Variants in RNF24 observed in about 807,000 individuals in gnomAD.
The protein encoded by RNF24 is ring finger protein 24.
In RNF24, 14 loss-of-function variants were observed where a neutral mutation model predicts 20.0. The observed-to-expected ratio is 0.70, with a 90% CI of 0.46 to 1.10. RNF24 has a LOEUF of 1.10. RNF24 is among the 50% of genes least tolerant of loss of function. The probability of loss-of-function intolerance (pLI) is 0.00; values close to 1 mark genes in which losing one functional copy is unlikely to be tolerated. For synonymous variants in RNF24, 45 were observed against 61.1 expected, an observed-to-expected ratio of 0.74 and a Z score of 1.23; for missense variants, 124 against 177.6, an observed-to-expected ratio of 0.70 and a Z score of 1.71.
chr20:3,976,352 C>T (rs2147015349), intron 1 of RNF24, among the ~76,000 whole-genome samples: 1 of 152,204 alleles, frequency 6.6e-6, no homozygotes, highest in East Asian at 1.9e-4. Flanking sequence ...ATCAGAATTG[C>T]TAAAATAAAA....
rs572036316 is a variant in RNF24 at position 3,928,430 on chromosome 20, C to T, written c.*5633G>A. The T allele has an allele frequency of 4.6e-5, 7 of 152,320 alleles. No homozygotes were observed. The highest frequency in any genetic ancestry group is 3.3e-4 in the Admixed American group (5 of 15,296). The allele number at this position is 152,320 out of a possible 1,614,324, so 9.4% of individuals were successfully genotyped here. On this transcript the variant is annotated 3_prime_UTR_variant, in exon 6 of 6. Transcript: ENST00000358395. The stretch of plus-strand genomic sequence containing the variant: ...GGCTGCCTGGAGGAAGCAGCTCTAA[C>T]TTTCATCAGCGGGGACAAAAATGAA...
At chr20:3,966,507 T>TGTGTGTGTGTGTGTGTGTGTGTGTGTGTG (rs60638000) in intron 1 of RNF24, among the ~76,000 whole-genome samples, 35 of 145,320 alleles carry the variant, frequency 2.4e-4, no homozygotes, top group Middle Eastern at 3.4e-3. Context: ...TGTGTGTGTG[T>TGTGTGTGTGTGTGTGTGTGTGTGTGTGTG]TTGGGGAAAG....
At position 3,945,327 on chromosome 20, in the gene RNF24, A is replaced by T. The variant is rs1292219173; in HGVS notation, c.187-109T>A. 4.9e-6 allele frequency: 5 copies of T among 1,024,980 alleles called. No homozygotes were observed. In the Admixed American group the frequency reaches 1.6e-4, roughly 33 times the overall value. The allele number at this position is 1,024,980 out of a possible 1,614,324, so 63.5% of individuals were successfully genotyped here. ...TTTGTATATATGGCTCATTTCCCTC[A>T]TATTCAATATTGAAGGGAATTTCTT... is the stretch of plus-strand genomic sequence containing the variant. On this transcript the variant is annotated intron_variant, in intron 3 of 5. Coordinates refer to ENST00000358395, the MANE Select transcript of RNF24 (RefSeq NM_001134337.3).
intron 4 of RNF24, among the ~76,000 whole-genome samples, chr20:3,942,822 T>G (rs2090973389): frequency 6.6e-6 from 1 of 151,578 alleles, no homozygotes; most frequent in African/African-American, 2.4e-5. Context: ...AAGACAGTTT[T>G]TTTTTTTTTT....
At chr20:4,007,738 CAA>C (rs1161702317) in intron 1 of RNF24, among the ~76,000 whole-genome samples, 1 of 56,312 alleles carries the variant, frequency 1.8e-5, no homozygotes, top group Non-Finnish European at 3.6e-5. Flanking sequence ...CCTGTCTCTA[CAA>C]AAAAAAAAAA....
intron 1 of RNF24, among the ~76,000 whole-genome samples, chr20:3,966,814 A>G (rs1353004910): frequency 2.0e-5 from 3 of 152,134 alleles, no homozygotes; most frequent in Non-Finnish European, 4.4e-5. Context: ...CTGTACAAAG[A>G]CTCAGACACA....
At chr20:3,960,889 G>T (rs1329447209) in intron 2 of RNF24, among the ~76,000 whole-genome samples, 1 of 151,924 alleles carries the variant, frequency 6.6e-6, no homozygotes, top group Non-Finnish European at 1.5e-5. Flanking sequence ...TGCCTCCAGG[G>T]TTCAAGCGAT....
intron 2 of RNF24, among the ~76,000 whole-genome samples, chr20:3,949,363 T>C (rs542876991): frequency 1.3e-4 from 19 of 142,910 alleles, no homozygotes; most frequent in Non-Finnish European, 2.3e-4. Flanking sequence ...CTGGGTGACA[T>C]AGTGAGACTT....
chr20:3,997,217 A>T (rs1393364788), intron 1 of RNF24, among the ~76,000 whole-genome samples: 2 of 143,794 alleles, frequency 1.4e-5, no homozygotes, highest in African/African-American at 5.2e-5. Context: ...CCGACAGAGC[A>T]AGACTCCATC....
Position 3,934,336 on chromosome 20 carries a change from A to ACATCCGTTCACC in RNF24, c.309-136_309-135insGGTGAACGGATG. On this transcript the variant is annotated intron_variant, in intron 5 of 5. Coordinates refer to ENST00000358395, the MANE Select transcript of RNF24 (RefSeq NM_001134337.3). This position sits in a 1 kb window ranked among gnomAD's most constrained non-coding sequence, Gnocchi z 4.0. ...CAAGGAGCTCCCCTCCTAGGTGGTG[A>ACATCCGTTCACC]ACGGATGTCACCCCCTGGAGAGAGG... is the stretch of plus-strand genomic sequence containing the variant. 1.2e-6 allele frequency: 1 copy of ACATCCGTTCACC among 807,100 alleles called. No homozygotes were observed. The highest frequency in any genetic ancestry group is 1.8e-6 in the Non-Finnish European group (1 of 545,632). The allele number at this position is 807,100 out of a possible 1,614,324, so 50.0% of individuals were successfully genotyped here.
chr20:3,957,240 G>C (rs898637356), intron 2 of RNF24, among the ~76,000 whole-genome samples: 3 of 152,118 alleles, frequency 2.0e-5, no homozygotes. Context: ...GGAGGTTGCA[G>C]TGAGCTGAGA....
intron 1 of RNF24, among the ~76,000 whole-genome samples, chr20:3,967,992 AAAAG>A (rs1462127890): frequency 1.4e-4 from 20 of 145,316 alleles, no homozygotes; most frequent in African/African-American, 4.5e-4. Context: ...AAAAAAAAAA[AAAAG>A]AAAGAAAGAA....
intron 1 of RNF24, among the ~76,000 whole-genome samples, chr20:4,001,356 T>G (rs1271107141): frequency 1.3e-5 from 2 of 152,054 alleles, no homozygotes; most frequent in Admixed American, 6.6e-5. Flanking sequence ...GTAAAATGCC[T>G]GAAAAAATAT....
intron 1 of RNF24, among the ~76,000 whole-genome samples, chr20:3,998,751 G>C (rs1408351177): frequency 7.3e-6 from 1 of 137,358 alleles, no homozygotes; most frequent in Admixed American, 7.6e-5. Context: ...GCGAGATTCC[G>C]TCTCAAAAAA....
chr20:4,015,506 G>A lies in RNF24; in HGVS notation c.-77C>T, dbSNP rs970614005. ...CCCTGCGGCGGGCGGCAGGCTGCGG[G>A]CGGCGAGCGTCCGTCCGGACAGAGC... On this transcript the variant is annotated 5_prime_UTR_variant, in exon 1 of 6. Coordinates refer to ENST00000358395, the MANE Select transcript of RNF24 (RefSeq NM_001134337.3). The A allele has an allele frequency of 6.6e-6, 1 of 150,946 alleles. No individual in the cohort carries two copies. Among genetic ancestry groups the A allele is most frequent in the Non-Finnish European group, 1.5e-5 (1 of 67,608 alleles). The allele number at this position is 150,946 out of a possible 1,614,324, so 9.4% of individuals were successfully genotyped here. A position where few individuals can be genotyped will look rare whatever the true frequency, so the allele number is the denominator to read the frequency against.
chr20:3,931,595 A>C lies in RNF24; in HGVS notation c.*2468T>G, dbSNP rs994853085. The C allele has an allele frequency of 6.6e-6, 1 of 152,348 alleles. No homozygotes were observed. Among genetic ancestry groups the C allele is most frequent in the East Asian group, 1.9e-4 (1 of 5,192 alleles). 9.4% of individuals were successfully genotyped at this position (152,348 alleles called of 1,614,324 possible). ...AGTCGCAGGAACTACTGCTAGTGATACTAGGCTTGCTGCAGGAGGATGTCA... is the reference window on the plus strand; with the variant it reads ...AGTCGCAGGAACTACTGCTAGTGATCCTAGGCTTGCTGCAGGAGGATGTCA... On this transcript the variant is annotated 3_prime_UTR_variant, in exon 6 of 6. Transcript: ENST00000358395.
intron 1 of RNF24, among the ~76,000 whole-genome samples, chr20:3,991,612 A>G (rs1240843899): frequency 6.6e-6 from 1 of 152,190 alleles, no homozygotes; most frequent in Non-Finnish European, 1.5e-5. Flanking sequence ...CAGAAATTTA[A>G]AAACCTTGAT....
chr20:3,968,970 T>C (rs1427443665), intron 1 of RNF24, among the ~76,000 whole-genome samples: 1 of 152,112 alleles, frequency 6.6e-6, no homozygotes, highest in Non-Finnish European at 1.5e-5. Context: ...CCATGAGTAT[T>C]AGAGTGGGCT....
rs748387558 is a variant in RNF24, at chr20:3,934,128, A to G, written c.382T>C (p.Leu128=). 6.3e-7 allele frequency: 1 copy of G among 1,582,806 alleles called. No individual in the cohort carries two copies. Among genetic ancestry groups the G allele is most frequent in the Non-Finnish European group, 8.6e-7 (1 of 1,165,356 alleles). The change falls in exon 6 of 6, where the codon TTG becomes CTG. Residue 128 remains leucine (L), a synonymous_variant. Transcript: ENST00000358395. This position sits in a 1 kb window ranked among gnomAD's most constrained non-coding sequence, Gnocchi z 4.0. The stretch of plus-strand genomic sequence containing the variant: ...GGTCCACGGTCCTGCTTACTGTGCA[A>G]CTGGGCCAGCTGTAGAACTGGCATG... ...CNMPVLQLAQ[L]HSKQDRGPPQ... is the part of the protein sequence containing the mutation.
Sources: gnomAD v4.1 joint callset for allele counts (sites outside exome capture counted in the v4.1 genomes callset) on GRCh38, gnomAD v4.1.1 for gene constraint, Gnocchi (gnomAD v3.1) non-coding constraint, MANE v1.5 for transcripts, NCBI Gene and HGNC (gene_info 2026-07-23, HGNC 2026-07-21) for gene names.